DOCK3: variants seen among roughly 807,000 people sequenced by gnomAD.
DOCK3 encodes dedicator of cytokinesis protein 3.
In DOCK3, 60 loss-of-function variants were observed where a neutral mutation model predicts 265.6. That is an observed-to-expected ratio of 0.23 (90% CI 0.18 to 0.28). The LOEUF (loss-of-function observed/expected upper bound fraction) is 0.28. DOCK3 is among the 10% of genes least tolerant of loss of function. The probability of loss-of-function intolerance (pLI) is 1.00; values close to 1 mark genes in which losing one functional copy is unlikely to be tolerated. For missense variants in DOCK3, 1,981 were observed against 2,594.3 expected, an observed-to-expected ratio of 0.76 and a Z score of 5.14; for synonymous variants, 881 against 938.0, an observed-to-expected ratio of 0.94 and a Z score of 1.11.
At chr3:50,699,745 C>T (rs1217798071) in intron 1 of DOCK3, among the ~76,000 whole-genome samples, 2 of 152,062 alleles carry the variant, frequency 1.3e-5, no homozygotes, top group Non-Finnish European at 2.9e-5. Context: ...TGCAGTCAAG[C>T]CTGTTGACCT....
intron 5 of DOCK3, among the ~76,000 whole-genome samples, chr3:51,063,062 A>G (rs1358110369): frequency 1.3e-5 from 2 of 152,190 alleles, no homozygotes; most frequent in African/African-American, 4.8e-5. Flanking sequence ...CTAGTTAAAA[A>G]TAATTTCTCT....
At chr3:50,934,291 A>G (rs982846249) in intron 5 of DOCK3, among the ~76,000 whole-genome samples, 1 of 152,190 alleles carries the variant, frequency 6.6e-6, no homozygotes, top group Non-Finnish European at 1.5e-5. Flanking sequence ...TCCTCCAGTC[A>G]CTGGAATATG....
intron 2 of DOCK3, among the ~76,000 whole-genome samples, chr3:50,793,144 A>G (rs923363998): frequency 6.6e-6 from 1 of 152,056 alleles, no homozygotes; most frequent in African/African-American, 2.4e-5. Flanking sequence ...GGGAGGGGGT[A>G]TGTGTCCAGG....
Position 50,842,440 on chromosome 3 carries a change from T to C in DOCK3, c.162+725T>C, listed in dbSNP as rs17051472. Among the ~76,000 whole-genome samples, 996 of 152,308 alleles carry C rather than the reference T, an allele frequency of 6.5e-3. 6 individuals are homozygous for C. The highest frequency in any genetic ancestry group is 0.022 in the African/African-American group (931 of 41,568). On this transcript the variant is annotated intron_variant, in intron 3 of 52. Coordinates refer to ENST00000266037, the MANE Select transcript of DOCK3 (RefSeq NM_004947.5). Reference sequence around the variant, plus strand: ...GAGTTCTAATAATCAGTTTTGCCAGTAGAATCATTCAGTTTTATTAGTTTT... The same window carrying C: ...GAGTTCTAATAATCAGTTTTGCCAGCAGAATCATTCAGTTTTATTAGTTTT...
intron 9 of DOCK3, among the ~76,000 whole-genome samples, chr3:51,142,690 T>C (rs2085118689): frequency 2.0e-5 from 3 of 152,176 alleles, no homozygotes. Context: ...TAAATATTTA[T>C]ATATAGATCT....
chr3:51,338,496 T>C, intron 36 of DOCK3, 77 bp downstream of exon 36: 1 of 1,496,066 alleles, frequency 6.7e-7, no homozygotes, highest in Non-Finnish European at 9.1e-7. Flanking sequence ...GCTTGGCCCT[T>C]CTACAATACA....
chr3:51,181,846 G>A (rs564129722), intron 12 of DOCK3, among the ~76,000 whole-genome samples: 2 of 152,300 alleles, frequency 1.3e-5, no homozygotes, highest in South Asian at 2.1e-4. Context: ...TGTTAAAACA[G>A]TGCTGGATGG....
chr3:51,250,583 C>G (rs1015992466), intron 22 of DOCK3, among the ~76,000 whole-genome samples: 1 of 152,198 alleles, frequency 6.6e-6, no homozygotes, highest in Non-Finnish European at 1.5e-5. Context: ...TGTGCCGCTG[C>G]ACTCCAGCCT....
At chr3:51,377,082 G>T (rs1253282026) in intron 51 of DOCK3, among the ~76,000 whole-genome samples, 1 of 152,224 alleles carries the variant, frequency 6.6e-6, no homozygotes. Flanking sequence ...GCTCAAACAG[G>T]TGCTGGTGGC....
At chr3:50,811,203 A>G (rs1356701656) in intron 2 of DOCK3, among the ~76,000 whole-genome samples, 1 of 150,238 alleles carries the variant, frequency 6.7e-6, no homozygotes, top group Non-Finnish European at 1.5e-5. Context: ...AGCCTAATCA[A>G]CAAGTGAGAG....
At chr3:50,912,705 T>C (rs1691239394) in intron 4 of DOCK3, among the ~76,000 whole-genome samples, 1 of 149,906 alleles carries the variant, frequency 6.7e-6, no homozygotes, top group Non-Finnish European at 1.5e-5. Flanking sequence ...CAGAGAAACC[T>C]CACCCTGTAG....
chr3:50,819,184 G>A (rs1172478960), intron 2 of DOCK3, among the ~76,000 whole-genome samples: 5 of 152,112 alleles, frequency 3.3e-5, no homozygotes, highest in Admixed American at 3.3e-4. Flanking sequence ...GCACCTGCAT[G>A]TACTTCTGCT....
chr3:51,279,629 G>A (rs1042340811), intron 26 of DOCK3, among the ~76,000 whole-genome samples: 2 of 152,124 alleles, frequency 1.3e-5, no homozygotes, highest in South Asian at 2.1e-4. Flanking sequence ...GCTGTGTTTT[G>A]TTTGCCCAGT....
chr3:51,338,163 G>T (rs763921641), intron 35 of DOCK3, among the ~76,000 whole-genome samples, 196 bp from the exon 36 acceptor site: 3 of 152,230 alleles, frequency 2.0e-5, no homozygotes, highest in Non-Finnish European at 4.4e-5. Context: ...CAGTTGAACA[G>T]AGATCTTTGA....
chr3:50,852,061 C>T (rs2046378252), intron 3 of DOCK3, among the ~76,000 whole-genome samples: 1 of 152,206 alleles, frequency 6.6e-6, no homozygotes, highest in Admixed American at 6.5e-5. Flanking sequence ...CTTAGATCCC[C>T]AGTGGAAAGG....
chr3:51,230,363 A>G (rs757636311), intron 19 of DOCK3, among the ~76,000 whole-genome samples: 6 of 152,190 alleles, frequency 3.9e-5, no homozygotes, highest in Non-Finnish European at 8.8e-5. Context: ...AAGTGAGAAC[A>G]TGCAGTATTT....
intron 2 of DOCK3, among the ~76,000 whole-genome samples, chr3:50,814,003 G>T (rs1055898579): frequency 6.6e-6 from 1 of 152,038 alleles, no homozygotes; most frequent in Non-Finnish European, 1.5e-5. Flanking sequence ...CAAAATGTAT[G>T]GGCACGGTTT....
chr3:51,225,075 A>G (rs2090269563), intron 14 of DOCK3, among the ~76,000 whole-genome samples: 1 of 152,126 alleles, frequency 6.6e-6, no homozygotes, highest in African/African-American at 2.4e-5. Context: ...AAAAGAAGAA[A>G]AAGCGACAGG....
At chr3:50,684,857 T>G (rs2034666982) in intron 1 of DOCK3, among the ~76,000 whole-genome samples, 1 of 152,170 alleles carries the variant, frequency 6.6e-6, no homozygotes, top group Non-Finnish European at 1.5e-5. Context: ...TTGAATACAT[T>G]TGAGCTTTTT....
Sources: gnomAD v4.1 joint callset for allele counts (sites outside exome capture counted in the v4.1 genomes callset) on GRCh38, gnomAD v4.1.1 for gene constraint, MANE v1.5 for transcripts, NCBI Gene and HGNC (gene_info 2026-07-23, HGNC 2026-07-21) for gene names.